The following INPP5A variants were observed in gnomAD, a reference collection of about 807,000 sequenced individuals.
INPP5A encodes 43 kDa inositol polyphosphate 5-phophatase.
INPP5A carries 14 observed loss-of-function variants against 65.2 expected under a neutral mutation model. That is an observed-to-expected ratio of 0.21 (90% CI 0.14 to 0.34). The LOEUF (loss-of-function observed/expected upper bound fraction) is 0.34, where lower values mean the gene tolerates loss of function less well. Among genes scored for constraint, INPP5A ranks in the 10% least tolerant of loss-of-function variants. INPP5A has a pLI of 1.00. For missense variants in INPP5A, 431 were observed against 545.6 expected (o/e 0.79, Z 2.09); for synonymous variants, 207 against 208.3 (o/e 0.99, Z 0.05).
At chr10:132,574,623 A>G (rs1193664147) in intron 1 of INPP5A, among the ~76,000 whole-genome samples, 10 of 128,840 alleles carry the variant, frequency 7.8e-5, no homozygotes, top group East Asian at 2.3e-4. Context: ...TTTTTTTTTA[A>G]TTTTGTATTT....
intron 2 of INPP5A, among the ~76,000 whole-genome samples, chr10:132,633,191 C>T (rs982359574): frequency 2.6e-5 from 4 of 152,194 alleles, no homozygotes; most frequent in Non-Finnish European, 5.9e-5. Flanking sequence ...TAGTGAGCTC[C>T]CGGACCTCAG....
intron 1 of INPP5A, among the ~76,000 whole-genome samples, chr10:132,598,273 A>C (rs1173813712): frequency 6.6e-6 from 1 of 152,150 alleles, no homozygotes; most frequent in South Asian, 2.1e-4. Flanking sequence ...CATCTTAACC[A>C]TGTTTAAGGG....
In INPP5A at chr10:132,658,807, C is replaced by T. The variant is rs374371087; in HGVS notation, c.306+8302C>T. Among the ~76,000 whole-genome samples, 10 of 152,166 alleles carry T rather than the reference C, an allele frequency of 6.6e-5. No homozygotes were observed. The South Asian group carries it at 1.0e-3, about 16-fold the overall frequency. On this transcript the variant is annotated intron_variant, in intron 4 of 15. Coordinates refer to ENST00000368594, the MANE Select transcript of INPP5A (RefSeq NM_005539.5). ...CCAAGACCACCGAGACTGCTGAGAC[C>T]GCCAAAGCCACCAAGACCGCCGAGA...
intron 12 of INPP5A, among the ~76,000 whole-genome samples, chr10:132,770,398 C>G (rs1285148370): frequency 6.6e-6 from 1 of 152,246 alleles, no homozygotes; most frequent in Non-Finnish European, 1.5e-5. Context: ...CGGGGTTTGG[C>G]TCTCCCTCTT....
In INPP5A at chr10:132,651,669, G is replaced by T. The variant is rs556365513; in HGVS notation, c.306+1164G>T. Among the ~76,000 whole-genome samples, 12 of 152,342 alleles carry T rather than the reference G, an allele frequency of 7.9e-5. No homozygotes were observed. The highest frequency in any genetic ancestry group is 2.9e-4 in the African/African-American group (12 of 41,576). On this transcript the variant is annotated intron_variant, in intron 4 of 15. Coordinates refer to ENST00000368594, the MANE Select transcript of INPP5A (RefSeq NM_005539.5). This position sits in a 1 kb window ranked among gnomAD's most constrained non-coding sequence, Gnocchi z 5.0. ...CAGGTGGGCCCCCGTAGGCTGCAGT[G>T]CTGAGGGTCTCGCTCTCCAGTGCCC... is the stretch of plus-strand genomic sequence containing the variant.
chr10:132,723,871 C>T (rs986324815), intron 8 of INPP5A, among the ~76,000 whole-genome samples: 1 of 148,890 alleles, frequency 6.7e-6, no homozygotes, highest in East Asian at 1.9e-4. Context: ...ACCCTCCGAG[C>T]TTTCTGTGCT....
rs997120214 is a variant in INPP5A, at chr10:132,749,404, C to T, written c.733-113C>T. 3.2e-6 allele frequency: 3 copies of T among 927,434 alleles called. No homozygotes were observed. In the African/African-American group the frequency reaches 5.0e-5, roughly 15 times the overall value. 57.5% of individuals were successfully genotyped at this position (927,434 alleles called of 1,614,324 possible). A position where few individuals can be genotyped will look rare whatever the true frequency, so the allele number is the denominator to read the frequency against. ...CAGGTGCGGAAATCTGGGTGTGACA[C>T]CAGCTGCTGTCTGGAACCAGCCATC... On this transcript the variant is annotated intron_variant, in intron 9 of 15. Transcript: ENST00000368594.
At chr10:132,752,428 G>T (rs775973373) in intron 11 of INPP5A, among the ~76,000 whole-genome samples, 2 of 149,694 alleles carry the variant, frequency 1.3e-5, no homozygotes, top group African/African-American at 2.5e-5. Context: ...GCATGGAGGG[G>T]CGTGTGATGT....
intron 9 of INPP5A, among the ~76,000 whole-genome samples, chr10:132,742,733 T>C (rs535357277): frequency 6.6e-6 from 1 of 152,330 alleles, no homozygotes; most frequent in South Asian, 2.1e-4. Context: ...TCCCGGGGTC[T>C]GGAATCCCTG....
intron 1 of INPP5A, among the ~76,000 whole-genome samples, chr10:132,592,919 G>C (rs1329703591): frequency 1.3e-5 from 2 of 152,016 alleles, no homozygotes; most frequent in Non-Finnish European, 2.9e-5. Flanking sequence ...GCTGCAGTCA[G>C]GTTGCCTGTT....
At chr10:132,690,278 C>T in intron 4 of INPP5A, 114 bp from the exon 5 acceptor site, 2 of 735,570 alleles carry the variant, frequency 2.7e-6, no homozygotes, top group East Asian at 5.0e-5. Flanking sequence ...TAAATTATAA[C>T]TGGTGAAACT....
intron 2 of INPP5A, among the ~76,000 whole-genome samples, chr10:132,619,801 G>A (rs916371560): frequency 4.6e-5 from 7 of 152,176 alleles, no homozygotes; most frequent in Non-Finnish European, 1.0e-4. Flanking sequence ...TGGGATTACA[G>A]TCATGTACCA....
rs1002429127 is a variant in INPP5A at position 132,550,883 on chromosome 10, C to A, written c.75+12712C>A. 6.6e-6 allele frequency among the ~76,000 whole-genome samples: 1 copy of A among 152,172 alleles called. No individual in the cohort carries two copies. The highest frequency in any genetic ancestry group is 1.9e-4 in the East Asian group (1 of 5,192). On this transcript the variant is annotated intron_variant, in intron 1 of 15. Transcript: ENST00000368594. This position sits in a 1 kb window ranked among gnomAD's most constrained non-coding sequence, Gnocchi z 4.2. ...TTTGGCCACCAACTGGCCCCTATGGCGTTTGGCCTTCAGGGTGGTCATTGG... is the reference window on the plus strand; with the variant it reads ...TTTGGCCACCAACTGGCCCCTATGGAGTTTGGCCTTCAGGGTGGTCATTGG...
chr10:132,568,868 G>T (rs1246331168), intron 1 of INPP5A, among the ~76,000 whole-genome samples: 1 of 150,452 alleles, frequency 6.6e-6, no homozygotes, highest in Non-Finnish European at 1.5e-5. Flanking sequence ...ACATATATTT[G>T]CAAAGAGCAA....
In INPP5A at chr10:132,774,359, G is replaced by A. The variant is rs115066408; in HGVS notation, c.978-3312G>A. ...CCTGCTCCGTGTACACAAGAGCGGC[G>A]TGGTAATTGGTTAATATTTTAACCA... On this transcript the variant is annotated intron_variant, in intron 12 of 15. Transcript: ENST00000368594. Among the ~76,000 whole-genome samples the A allele has an allele frequency of 2.0e-3, 301 of 152,374 alleles. 2 individuals carry two copies. The highest frequency in any genetic ancestry group is 7.0e-3 in the African/African-American group (293 of 41,580).
At chr10:132,658,063 C>T (rs1397236866) in intron 4 of INPP5A, among the ~76,000 whole-genome samples, 1 of 152,234 alleles carries the variant, frequency 6.6e-6, no homozygotes, top group Admixed American at 6.5e-5. Flanking sequence ...AAATATGAGC[C>T]ACTTTACTCC....
intron 2 of INPP5A, among the ~76,000 whole-genome samples, chr10:132,621,520 G>C (rs561495480): frequency 6.6e-6 from 1 of 152,012 alleles, no homozygotes. Context: ...CAGGGGAGGG[G>C]GCTTTCAGGT....
chr10:132,708,077 T>TC (rs1371676517), intron 6 of INPP5A, among the ~76,000 whole-genome samples: 2 of 151,690 alleles, frequency 1.3e-5, no homozygotes, highest in Non-Finnish European at 2.9e-5. Flanking sequence ...CTTCATATCT[T>TC]CCCCCCACCC....
chr10:132,717,688 T>G (rs1845766033), intron 8 of INPP5A, among the ~76,000 whole-genome samples: 1 of 150,210 alleles, frequency 6.7e-6, no homozygotes, highest in Admixed American at 6.6e-5. Flanking sequence ...TAGACGGCTG[T>G]CTTGCGGGTT....
Sources: allele counts gnomAD v4.1 joint callset (sites outside exome capture counted in the v4.1 genomes callset), GRCh38; gene constraint gnomAD v4.1.1; non-coding constraint Gnocchi (gnomAD v3.1); transcripts MANE v1.5; gene names NCBI Gene and HGNC (gene_info 2026-07-23, HGNC 2026-07-21).